Variants in TMEM132D observed in about 807,000 individuals in gnomAD.
TMEM132D encodes the protein transmembrane protein 132D, also known as mature OL transmembrane protein.
A neutral mutation model predicts 62.3 loss-of-function variants in TMEM132D; 21 were observed. That is an observed-to-expected ratio of 0.34 (90% confidence interval 0.24 to 0.49). The LOEUF is 0.49. Among genes scored for constraint, TMEM132D ranks in the 20% least tolerant of loss-of-function variants. TMEM132D has a pLI of 0.99. For synonymous variants in TMEM132D, 621 were observed against 575.6 expected (o/e 1.08, Z -1.13); for missense variants, 1,346 against 1,402.8 (o/e 0.96, Z 0.65).
chr12:129,565,588 T>C (rs1457540827), intron 2 of TMEM132D, among the ~76,000 whole-genome samples: 1 of 152,064 alleles, frequency 6.6e-6, no homozygotes, highest in African/African-American at 2.4e-5. Context: ...GAGGAGGGGG[T>C]CATTCAATGG....
At chr12:129,414,253 G>C (rs1872050485) in intron 3 of TMEM132D, among the ~76,000 whole-genome samples, 2 of 152,206 alleles carry the variant, frequency 1.3e-5, no homozygotes, top group African/African-American at 4.8e-5. Flanking sequence ...TTATGAGAGA[G>C]AGAATGAATC....
intron 3 of TMEM132D, among the ~76,000 whole-genome samples, chr12:129,417,672 A>C (rs1185231389): frequency 6.6e-6 from 1 of 152,226 alleles, no homozygotes; most frequent in East Asian, 1.9e-4. Context: ...CACCAAAAGC[A>C]ATGGCAAAAA....
chr12:129,675,488 T>C (rs1350935899), intron 2 of TMEM132D, among the ~76,000 whole-genome samples: 1 of 152,180 alleles, frequency 6.6e-6, no homozygotes, highest in Non-Finnish European at 1.5e-5. Flanking sequence ...CATGTATACC[T>C]ATGTAACAAA....
intron 2 of TMEM132D, among the ~76,000 whole-genome samples, chr12:129,600,217 C>T (rs530774332): frequency 3.9e-5 from 6 of 152,316 alleles, no homozygotes; most frequent in East Asian, 1.9e-4. Flanking sequence ...GATTCCATCT[C>T]GAGAAACCAC....
At chr12:129,284,006 C>T (rs1388444774) in intron 4 of TMEM132D, among the ~76,000 whole-genome samples, 4 of 152,240 alleles carry the variant, frequency 2.6e-5, no homozygotes, top group Non-Finnish European at 5.9e-5. Flanking sequence ...TCTTGAAACT[C>T]ATTGTTAGAA....
intron 1 of TMEM132D, among the ~76,000 whole-genome samples, chr12:129,768,677 G>C (rs570154327): frequency 6.6e-6 from 1 of 152,096 alleles, no homozygotes; most frequent in South Asian, 2.1e-4. Context: ...TGGTAGAGGC[G>C]AAACAGGGAC....
intron 4 of TMEM132D, among the ~76,000 whole-genome samples, chr12:129,213,872 A>G (rs1879128519): frequency 6.6e-6 from 1 of 152,234 alleles, no homozygotes; most frequent in Non-Finnish European, 1.5e-5. Context: ...GGGAACAGAC[A>G]TTCCAACCGT....
intron 5 of TMEM132D, among the ~76,000 whole-genome samples, chr12:129,144,402 A>G (rs1476207051): frequency 1.3e-5 from 2 of 152,188 alleles, no homozygotes; most frequent in African/African-American, 4.8e-5. Flanking sequence ...CATCATAAGA[A>G]CAGAGGCTTG....
At chr12:129,345,898 CT>C (rs939739659) in intron 3 of TMEM132D, among the ~76,000 whole-genome samples, 1 of 151,894 alleles carries the variant, frequency 6.6e-6, no homozygotes, top group South Asian at 2.1e-4. Context: ...CTGAAATTTT[CT>C]TTTTTTTATT....
intron 2 of TMEM132D, among the ~76,000 whole-genome samples, chr12:129,652,537 C>T (rs557178565): frequency 6.6e-6 from 1 of 152,260 alleles, no homozygotes; most frequent in South Asian, 2.1e-4. Flanking sequence ...TGGAAGAAGG[C>T]AGGAAGCTGG....
At chr12:129,625,118 C>G (rs1472791387) in intron 2 of TMEM132D, among the ~76,000 whole-genome samples, 4 of 152,232 alleles carry the variant, frequency 2.6e-5, no homozygotes, top group Admixed American at 1.3e-4. Context: ...TAAAATTCCT[C>G]ATCCGTTCAG....
rs185737980 is a variant in TMEM132D, at chr12:129,727,450, A to G, written c.80-26752T>C. Among the ~76,000 whole-genome samples, 4 of 152,336 alleles carry G rather than the reference A, an allele frequency of 2.6e-5. No individual in the cohort carries two copies. The East Asian group carries it at 7.7e-4, about 29-fold the overall frequency. ...ATCCATTCATGAAGGCAGAGCCCTC[A>G]TGATCTAATCACCTCTTAAAGGTCC... On this transcript the variant is annotated intron_variant, in intron 1 of 8. Coordinates refer to ENST00000422113, the MANE Select transcript of TMEM132D (RefSeq NM_133448.3).
intron 5 of TMEM132D, among the ~76,000 whole-genome samples, chr12:129,123,521 A>C (rs986870041): frequency 6.6e-6 from 1 of 152,190 alleles, no homozygotes; most frequent in Middle Eastern, 3.2e-3. Flanking sequence ...TGGGGTCTCC[A>C]GGGTCCATCC....
In TMEM132D at chr12:129,639,382, T is replaced by TTA. The variant is rs1555223165; in HGVS notation, c.968+60427_968+60428insTA. On this transcript the variant is annotated intron_variant, in intron 2 of 8. Coordinates refer to ENST00000422113, the MANE Select transcript of TMEM132D (RefSeq NM_133448.3). ...TGGGTGACAGAGCGAGACTCTGTCT[T>TTA]AAAAAAAAAAAAAAAAAAAAAAAAG... is the stretch of plus-strand genomic sequence containing the variant. Among the ~76,000 whole-genome samples the TTA allele has an allele frequency of 1.6e-3, 144 of 90,516 alleles. 2 individuals carry two copies. In the East Asian group the frequency reaches 0.045, roughly 28 times the overall value. The allele number at this position is 90,516 out of a possible 152,430, so 59.4% of individuals were successfully genotyped here.
chr12:129,875,476 G>A (rs1002057144), intron 1 of TMEM132D, among the ~76,000 whole-genome samples: 2 of 152,170 alleles, frequency 1.3e-5, no homozygotes, highest in African/African-American at 2.4e-5. Flanking sequence ...GCCGACGTCC[G>A]ACTGCTTGTG....
At chr12:129,134,527 T>C (rs370185741) in intron 5 of TMEM132D, among the ~76,000 whole-genome samples, 1 of 152,184 alleles carries the variant, frequency 6.6e-6, no homozygotes, top group Non-Finnish European at 1.5e-5. Context: ...AGAGCTCCTA[T>C]TTCTGTCAGG....
At chr12:129,829,866 G>A (rs1016214351) in intron 1 of TMEM132D, among the ~76,000 whole-genome samples, 6 of 152,230 alleles carry the variant, frequency 3.9e-5, no homozygotes, top group Middle Eastern at 3.4e-3. Flanking sequence ...CAATTAGAAC[G>A]ACTCACCCAG....
At chr12:129,253,240 G>GA (rs71072458) in intron 4 of TMEM132D, among the ~76,000 whole-genome samples, 3,062 of 143,512 alleles carry the variant, frequency 0.021, 105 homozygotes, top group African/African-American at 0.074. Flanking sequence ...TGTGATAATT[G>GA]AAAAAAAAAA....
intron 5 of TMEM132D, among the ~76,000 whole-genome samples, chr12:129,147,133 A>G (rs1279653225): frequency 2.0e-5 from 3 of 152,038 alleles, no homozygotes; most frequent in South Asian, 4.1e-4. Flanking sequence ...CCTTATTTTT[A>G]AAATTATTCT....
Sources: gnomAD v4.1 joint callset for allele counts (sites outside exome capture counted in the v4.1 genomes callset) on GRCh38, gnomAD v4.1.1 for gene constraint, MANE v1.5 for transcripts, NCBI Gene and HGNC (gene_info 2026-07-23, HGNC 2026-07-21) for gene names.